Variants in TIAM1 observed in about 807,000 individuals in gnomAD.
TIAM1 encodes rho guanine nucleotide exchange factor TIAM1.
TIAM1 carries 65 observed loss-of-function variants against 163.5 expected under a neutral mutation model. That is an observed-to-expected ratio of 0.40 (90% CI 0.33 to 0.49). The LOEUF is 0.49. Among genes scored for constraint, TIAM1 ranks in the 20% least tolerant of loss-of-function variants. TIAM1 has a pLI of 0.77. For missense variants in TIAM1, 1,789 were observed against 2,044.7 expected, an observed-to-expected ratio of 0.87 and a Z score of 2.41; for synonymous variants, 833 against 810.1, an observed-to-expected ratio of 1.03 and a Z score of -0.48.
At chr21:31,145,492 C>T (rs540852724) in intron 20 of TIAM1, among the ~76,000 whole-genome samples, 1 of 152,094 alleles carries the variant, frequency 6.6e-6, no homozygotes, top group South Asian at 2.1e-4. Flanking sequence ...CAACTGTTTG[C>T]CAAGAAAATG....
chr21:31,437,089 A>G (rs1412718932), intron 2 of TIAM1, among the ~76,000 whole-genome samples: 1 of 152,228 alleles, frequency 6.6e-6, no homozygotes, highest in African/African-American at 2.4e-5. Context: ...AAAATATCAC[A>G]TTATGGAGAA....
intron 9 of TIAM1, among the ~76,000 whole-genome samples, chr21:31,217,182 G>A (rs2087265317): frequency 6.6e-6 from 1 of 151,448 alleles, no homozygotes; most frequent in African/African-American, 2.4e-5. Context: ...ACTCCAGCCT[G>A]GTGACAGAGC....
intron 2 of TIAM1, among the ~76,000 whole-genome samples, chr21:31,370,284 T>G (rs1355588538): frequency 6.6e-6 from 1 of 152,246 alleles, no homozygotes; most frequent in Non-Finnish European, 1.5e-5. Flanking sequence ...GAGGTTAAGT[T>G]TGAAAAGTGA....
At chr21:31,298,988 A>C (rs2074402000) in intron 2 of TIAM1, among the ~76,000 whole-genome samples, 1 of 152,166 alleles carries the variant, frequency 6.6e-6, no homozygotes, top group African/African-American at 2.4e-5. Flanking sequence ...CGTAGGGCGA[A>C]CAGGAACACA....
intron 16 of TIAM1, among the ~76,000 whole-genome samples, chr21:31,164,023 T>C (rs1223164180): frequency 6.6e-6 from 1 of 152,192 alleles, no homozygotes; most frequent in African/African-American, 2.4e-5. Flanking sequence ...AGTTGGGTTG[T>C]GTTTTGAAGA....
At chr21:31,365,180 CTCAGGATAGTGA>C (rs1435765982) in intron 2 of TIAM1, among the ~76,000 whole-genome samples, 1 of 152,138 alleles carries the variant, frequency 6.6e-6, no homozygotes, top group Non-Finnish European at 1.5e-5. Flanking sequence ...ACGCCAGTCA[CTCAGGATAGTGA>C]TCAGGAAAGA....
intron 2 of TIAM1, among the ~76,000 whole-genome samples, chr21:31,357,855 G>T (rs535394635): frequency 5.3e-5 from 8 of 152,238 alleles, no homozygotes; most frequent in African/African-American, 1.9e-4. Flanking sequence ...TTCTGCTCTG[G>T]TGTACTTTCT....
chr21:31,381,764 C>G (rs183754175), intron 2 of TIAM1, among the ~76,000 whole-genome samples: 1 of 151,894 alleles, frequency 6.6e-6, no homozygotes, highest in Non-Finnish European at 1.5e-5. Flanking sequence ...GCTGGGAGGT[C>G]GAGGCTGCAG....
At chr21:31,124,482 G>T in intron 27 of TIAM1, 40 bp downstream of exon 27, 1 of 1,609,290 alleles carries the variant, frequency 6.2e-7, no homozygotes, top group Non-Finnish European at 8.5e-7. Flanking sequence ...CTGCGGAGTG[G>T]GGGTGACGGG....
At chr21:31,197,759 T>C (rs2085953388) in intron 12 of TIAM1, among the ~76,000 whole-genome samples, 1 of 152,178 alleles carries the variant, frequency 6.6e-6, no homozygotes, top group Non-Finnish European at 1.5e-5. Flanking sequence ...GCTAACTCCA[T>C]GAGACAAGCG....
At chr21:31,128,455 C>T (rs931050215) in intron 25 of TIAM1, among the ~76,000 whole-genome samples, 2 of 152,152 alleles carry the variant, frequency 1.3e-5, no homozygotes, top group African/African-American at 4.8e-5. Flanking sequence ...TACTCCTCAA[C>T]GCAGGCGAAA....
intron 2 of TIAM1, among the ~76,000 whole-genome samples, chr21:31,365,995 G>A (rs955514625): frequency 4.0e-5 from 6 of 148,712 alleles, no homozygotes; most frequent in Admixed American, 2.7e-4. Context: ...GGCTGAGGCA[G>A]GAGAATCACT....
chr21:31,477,474 A>ATTTTT lies in TIAM1; in HGVS notation c.-421-13444_-421-13440dup, dbSNP rs58353334. On this transcript the variant is annotated intron_variant, in intron 1 of 28. Coordinates refer to the TIAM1 transcript ENST00000286827. Reference sequence around the variant, plus strand: ...CGACTCAGGAAAGGGAACTAAATGCATTTTTTTTTTTTTTTTTTGAGACGG... The same window carrying ATTTTT: ...CGACTCAGGAAAGGGAACTAAATGCATTTTTTTTTTTTTTTTTTTTTTTGAGACGG... Among the ~76,000 whole-genome samples, 38 of 132,192 alleles carry ATTTTT rather than the reference A, an allele frequency of 2.9e-4. 1 individual carries two copies. The highest frequency in any genetic ancestry group is 4.2e-4 in the African/African-American group (15 of 35,560). The allele number at this position is 132,192 out of a possible 152,430, so 86.7% of individuals were successfully genotyped here.
At chr21:31,146,728 A>G (rs551810898) in intron 20 of TIAM1, among the ~76,000 whole-genome samples, 167 bp downstream of exon 20, 1 of 151,772 alleles carries the variant, frequency 6.6e-6, no homozygotes, top group African/African-American at 2.4e-5. Context: ...AAAAAAATGA[A>G]AAAAAAATGA....
At chr21:31,385,679 C>G (rs2076853845) in intron 2 of TIAM1, among the ~76,000 whole-genome samples, 1 of 146,424 alleles carries the variant, frequency 6.8e-6, no homozygotes, top group Non-Finnish European at 1.5e-5. Flanking sequence ...GTCTTGGCAT[C>G]AATTTGTGCT....
chr21:31,296,431 C>G (rs1225799671), intron 2 of TIAM1, among the ~76,000 whole-genome samples: 1 of 152,008 alleles, frequency 6.6e-6, no homozygotes, highest in Non-Finnish European at 1.5e-5. Context: ...CAACGGAGCC[C>G]CAAATCAAAA....
intron 2 of TIAM1, among the ~76,000 whole-genome samples, chr21:31,407,189 C>A (rs1417472292): frequency 1.3e-5 from 2 of 152,300 alleles, no homozygotes; most frequent in East Asian, 1.9e-4. Flanking sequence ...GTTTTCAAGT[C>A]AGTTTTATAA....
chr21:31,558,104 T>C lies in TIAM1; in HGVS notation c.-422+823A>G, dbSNP rs1601101854. 2.0e-5 allele frequency among the ~76,000 whole-genome samples: 3 copies of C among 152,240 alleles called. No individual in the cohort carries two copies. In the South Asian group the frequency reaches 6.2e-4, roughly 32 times the overall value. ...CGGGGCTGGGGGGCGCACGGCGCGC[T>C]GCTCTCGCCCAATGGCGAGGTCTGT... On this transcript the variant is annotated intron_variant, in intron 1 of 28. Transcript: ENST00000286827.
At chr21:31,278,497 C>T (rs918926253) in intron 2 of TIAM1, among the ~76,000 whole-genome samples, 1 of 152,200 alleles carries the variant, frequency 6.6e-6, no homozygotes, top group East Asian at 1.9e-4. Context: ...AGACATTCCC[C>T]TGGGGCTGCC....
Sources: allele counts gnomAD v4.1 joint callset (sites outside exome capture counted in the v4.1 genomes callset), GRCh38; gene constraint gnomAD v4.1.1; transcripts MANE v1.5; gene names NCBI Gene and HGNC (gene_info 2026-07-23, HGNC 2026-07-21).